TUT7: variants seen among roughly 807,000 people sequenced by gnomAD.
The protein encoded by TUT7 is terminal uridylyltransferase 7.
In TUT7, 33 loss-of-function variants were observed where a neutral mutation model predicts 165.9. The observed-to-expected ratio is 0.20, with a 90% CI of 0.15 to 0.27. TUT7 has a LOEUF of 0.27. Among genes scored for constraint, TUT7 ranks in the 10% least tolerant of loss-of-function variants. The pLI is 1.00. For synonymous variants in TUT7, 552 were observed against 608.1 expected (o/e 0.91, Z 1.36); for missense variants, 1,338 against 1,762.3 (o/e 0.76, Z 4.31).
At chr9:86,292,280 TAAG>T (rs1035348969) in intron 26 of TUT7, among the ~76,000 whole-genome samples, 7 of 151,980 alleles carry the variant, frequency 4.6e-5, no homozygotes, top group African/African-American at 1.7e-4. Context: ...AAACATATGT[TAAG>T]GAGTACATAT....
chr9:86,334,936 C>A (rs1830638390), intron 10 of TUT7, among the ~76,000 whole-genome samples: 1 of 152,128 alleles, frequency 6.6e-6, no homozygotes, highest in Non-Finnish European at 1.5e-5. Context: ...AGTTTTGACT[C>A]CCCTCTAAAG....
intron 6 of TUT7, among the ~76,000 whole-genome samples, chr9:86,341,512 T>C (rs896198096): frequency 3.9e-5 from 6 of 152,320 alleles, no homozygotes; most frequent in Middle Eastern, 3.4e-3. Context: ...GACTTCTTAC[T>C]GCCCTTAGGT....
Position 86,352,785 on chromosome 9 carries a change from C to T in TUT7, c.415G>A (p.Gly139Ser), listed in dbSNP as rs752548118. The change falls in exon 2 of 27, where the codon GGT (glycine) becomes AGT (serine). Residue 139 changes from glycine to serine, a missense_variant. Physicochemically the swap from Gly to Ser is moderately conservative, Grantham distance 56. Coordinates refer to ENST00000375963, the MANE Select transcript of TUT7 (RefSeq NM_024617.4). ...CCTCTTGTGTCTTGCCACCTATAAC[C>T]ATCTTCATTTTCTTGAAAGGAGTCT... ...RKDSFQENED[G>S]YRWQDTRGCR... is the part of the protein sequence containing the mutation. 4 of 1,614,152 alleles carry T rather than the reference C, an allele frequency of 2.5e-6. No homozygotes were observed. The South Asian group carries it at 4.4e-5, about 18-fold the overall frequency.
intron 19 of TUT7, 64 bp from the exon 20 acceptor site, chr9:86,309,640 T>C (rs1300870405): frequency 7.6e-7 from 1 of 1,316,640 alleles, no homozygotes; most frequent in Non-Finnish European, 1.1e-6. Context: ...GCATCCATTC[T>C]GTTATCACTA....
rs1554691440 is a variant in TUT7 at position 86,297,935 on chromosome 9, T to TTTTTTTTC, written c.4420+3340_4420+3341insGAAAAAAA. Among the ~76,000 whole-genome samples, 370 of 145,258 alleles carry TTTTTTTTC rather than the reference T, an allele frequency of 2.5e-3. 11 individuals are homozygous for TTTTTTTTC. Among genetic ancestry groups the TTTTTTTTC allele is most frequent in the African/African-American group, 7.7e-3 (297 of 38,670 alleles). On this transcript the variant is annotated intron_variant, in intron 26 of 26. Transcript: ENST00000375963. ...TGCCTGCTCCACTTTTTTTTTTTTTTCAAATTTCTTCTGTCTCTCGAGTTT... is the reference window on the plus strand; with the variant it reads ...TGCCTGCTCCACTTTTTTTTTTTTTTTTTTTTTCCAAATTTCTTCTGTCTCTCGAGTTT...
intron 2 of TUT7, among the ~76,000 whole-genome samples, chr9:86,349,155 T>C (rs572279986): frequency 6.6e-6 from 1 of 152,078 alleles, no homozygotes; most frequent in African/African-American, 2.4e-5. Flanking sequence ...GGCAGGCACC[T>C]GTAATCCCAG....
Position 86,345,744 on chromosome 9 carries a change from G to A in TUT7, c.744C>T (p.Leu248=), listed in dbSNP as rs1474007497. 1 of 1,613,604 alleles carries A rather than the reference G, an allele frequency of 6.2e-7. No individual in the cohort carries two copies. Residue 248 remains leucine (L), a synonymous_variant, in exon 4 of 27, where the codon CTC becomes CTT. Transcript: ENST00000375963. The part of the protein sequence containing the change: ...NYPTAKYTCR[L]CDVLIESIAF... ...CAATGGATTCAATTAAAACATCACA[G>A]AGTCTGCAGGTGTACTTTGCTGTAG...
In TUT7 at chr9:86,311,889, C is replaced by T. The variant is rs1390636030; in HGVS notation, c.3275-1080G>A. Among the ~76,000 whole-genome samples, 10 of 152,312 alleles carry T rather than the reference C, an allele frequency of 6.6e-5. No homozygotes were observed. Among genetic ancestry groups the T allele is most frequent in the South Asian group, 2.1e-4 (1 of 4,828 alleles). ...CGCCAGCCTTGGCCTCCGGAGGTGC[C>T]GGGATTGCAGACGGAGTCTCGTTCA... On this transcript the variant is annotated intron_variant, in intron 17 of 26. Transcript: ENST00000375963. The surrounding 1 kb of genome is among the most constrained non-coding windows in gnomAD (Gnocchi z 4.4).
intron 10 of TUT7, among the ~76,000 whole-genome samples, chr9:86,330,312 G>T (rs1018459257): frequency 6.6e-6 from 1 of 151,964 alleles, no homozygotes; most frequent in African/African-American, 2.4e-5. Context: ...CACCCACCTT[G>T]GCCTCCCAAA....
intron 16 of TUT7, 44 bp from the exon 17 acceptor site, chr9:86,317,320 C>T (rs1828813088): frequency 1.3e-6 from 2 of 1,527,906 alleles, no homozygotes; most frequent in Non-Finnish European, 9.0e-7. Flanking sequence ...AACTGGAAGA[C>T]AGGTTCTGAA....
In TUT7 at chr9:86,305,180, G is replaced by T. The variant is rs746877808; in HGVS notation, c.3886+12C>A. ...AAAATAAAAAATAAAATTGACAAAC[G>T]AAGTAACTCACTTTTCCTTGATAAT... On this transcript the variant is annotated intron_variant, in intron 23 of 26. Coordinates refer to ENST00000375963, the MANE Select transcript of TUT7 (RefSeq NM_024617.4). The T allele has an allele frequency of 6.3e-7, 1 of 1,590,538 alleles. No homozygotes were observed.
At chr9:86,320,804 A>G (rs925271588) in intron 14 of TUT7, among the ~76,000 whole-genome samples, 2 of 152,166 alleles carry the variant, frequency 1.3e-5, no homozygotes, top group Non-Finnish European at 2.9e-5. Flanking sequence ...GATTTTGGGA[A>G]AATTATGAAC....
intron 17 of TUT7, among the ~76,000 whole-genome samples, chr9:86,315,470 G>A (rs1441623838): frequency 6.6e-6 from 1 of 152,168 alleles, no homozygotes; most frequent in African/African-American, 2.4e-5. Flanking sequence ...TATGGAAAAT[G>A]TTAATTGGTG....
intron 17 of TUT7, among the ~76,000 whole-genome samples, chr9:86,314,122 C>A (rs1457997953): frequency 6.6e-6 from 1 of 152,190 alleles, no homozygotes; most frequent in Non-Finnish European, 1.5e-5. Flanking sequence ...TGGGATTGCA[C>A]AGCCAGCAAG....
intron 8 of TUT7, 69 bp downstream of exon 8, chr9:86,339,967 G>C: frequency 8.6e-7 from 1 of 1,156,694 alleles, no homozygotes; most frequent in East Asian, 2.3e-5. Flanking sequence ...TGGACATTAA[G>C]ATGTAGTAAA....
At chr9:86,294,710 A>T (rs1478121126) in intron 26 of TUT7, among the ~76,000 whole-genome samples, 1 of 151,296 alleles carries the variant, frequency 6.6e-6, no homozygotes, top group East Asian at 1.9e-4. Context: ...GTAAGTAAAC[A>T]TAAAAAGTAA....
chr9:86,308,405 C>T, intron 22 of TUT7, 24 bp downstream of exon 22: 1 of 1,599,552 alleles, frequency 6.3e-7, no homozygotes, highest in Non-Finnish European at 8.5e-7. Context: ...GTCTATTCGA[C>T]TTCAAGTTTA....
chr9:86,339,790 G>A (rs1258887322), intron 8 of TUT7, among the ~76,000 whole-genome samples: 1 of 152,162 alleles, frequency 6.6e-6, no homozygotes, highest in African/African-American at 2.4e-5. Context: ...GTTTTTTAAC[G>A]AGTTGAAATG....
Position 86,322,383 on chromosome 9 carries a change from C to T in TUT7, c.2970G>A (p.Leu990=), listed in dbSNP as rs1829388081. Residue 990 remains leucine, a synonymous_variant, in exon 14 of 27, where the codon CTG becomes CTA. Coordinates refer to ENST00000375963, the MANE Select transcript of TUT7 (RefSeq NM_024617.4). ...TTAAAAACTTGGGTGTTAATGGTGG[C>T]AGAGGTTCTAGCTGGATTCTTTTGA... The part of the protein sequence containing the change: ...EDFKRIQLEP[L]PPLTPKFLNI... 11 of 1,614,086 alleles carry T rather than the reference C, an allele frequency of 6.8e-6. No individual in the cohort carries two copies. Among genetic ancestry groups the T allele is most frequent in the Non-Finnish European group, 8.5e-6 (10 of 1,179,970 alleles).
Sources: gnomAD v4.1 joint callset for allele counts (sites outside exome capture counted in the v4.1 genomes callset) on GRCh38, gnomAD v4.1.1 for gene constraint, Gnocchi (gnomAD v3.1) non-coding constraint, MANE v1.5 for transcripts, NCBI Gene and HGNC (gene_info 2026-07-23, HGNC 2026-07-21) for gene names.